ZNF808: variants seen among roughly 807,000 people sequenced by gnomAD.
ZNF808 encodes zinc finger protein 808.
A neutral mutation model predicts 8.7 loss-of-function variants in ZNF808; 5 were observed. That is an observed-to-expected ratio of 0.58 (90% CI 0.30 to 1.21). The LOEUF (loss-of-function observed/expected upper bound fraction) is 1.21. Ranked by LOEUF, ZNF808 falls within the 50% of genes most tolerant of loss-of-function variation. The pLI, the probability that ZNF808 is intolerant of heterozygous loss-of-function variation, is 0.07. For synonymous variants in ZNF808, 380 were observed against 366.0 expected (o/e 1.04, Z -0.44); for missense variants, 1,103 against 1,098.4 (o/e 1.00, Z -0.06).
intron 4 of ZNF808, among the ~76,000 whole-genome samples, chr19:52,548,990 T>A (rs1172917539): frequency 6.6e-6 from 1 of 152,000 alleles, no homozygotes; most frequent in Admixed American, 6.6e-5. Flanking sequence ...CTGTTTTTTT[T>A]AAGATGGAAT....
In ZNF808 at chr19:52,547,615, A is replaced by G; in HGVS notation, c.167A>G (p.Asn56Ser). The G allele has an allele frequency of 6.2e-7, 1 of 1,614,074 alleles. No individual in the cohort carries two copies. The highest frequency in any genetic ancestry group is 8.5e-7 in the Non-Finnish European group (1 of 1,180,002). ...RALYREVMLENYRNLEAVDIS... is the reference protein window; with the variant it reads ...RALYREVMLESYRNLEAVDIS... ...TTGTACAGGGAAGTGATGTTGGAGA[A>G]CTACAGGAACCTGGAGGCTGTGGGT... Residue 56 changes from asparagine (N) to serine (S), a missense_variant, in exon 4 of 5, where the codon AAC becomes AGC. Physicochemically the swap from Asn to Ser is conservative, Grantham distance 46 (BLOSUM62 1). Transcript: ENST00000359798.
At chr19:52,567,361 G>A (rs2146971653), downstream of ZNF808, among the ~76,000 whole-genome samples, 1 of 151,448 alleles carries the variant, frequency 6.6e-6, no homozygotes, top group East Asian at 1.9e-4. Context: ...GAAACTTTAA[G>A]AGAAGGCAGT....
intron 2 of ZNF808, among the ~76,000 whole-genome samples, chr19:52,540,040 G>C (rs1250143669): frequency 6.6e-6 from 1 of 151,696 alleles, no homozygotes; most frequent in Admixed American, 6.6e-5. Flanking sequence ...TATTTATTGA[G>C]ACTCTCTGTC....
intron 3 of ZNF808, among the ~76,000 whole-genome samples, chr19:52,544,632 T>A (rs2059703883): frequency 6.6e-6 from 1 of 152,148 alleles, no homozygotes; most frequent in Admixed American, 6.6e-5. Context: ...TCAGGCCTTA[T>A]TTTTTATATT....
chr19:52,566,275 C>T (rs2123234964), downstream of ZNF808, among the ~76,000 whole-genome samples: 1 of 152,146 alleles, frequency 6.6e-6, no homozygotes, highest in African/African-American at 2.4e-5. Context: ...TACGGATTCT[C>T]CTGTCTCAGC....
chr19:52,539,004 G>C (rs1264980960), intron 2 of ZNF808, among the ~76,000 whole-genome samples: 1 of 152,014 alleles, frequency 6.6e-6, no homozygotes, highest in Non-Finnish European at 1.5e-5. Flanking sequence ...ACAGTGACTT[G>C]ACTCATTCGT....
downstream of ZNF808, among the ~76,000 whole-genome samples, chr19:52,565,135 G>A (rs746443543): frequency 7.2e-5 from 11 of 152,010 alleles, no homozygotes; most frequent in Non-Finnish European, 1.6e-4. Context: ...AATTAGGCGG[G>A]CATGGTGGCA....
In ZNF808 at chr19:52,555,259, T is replaced by C. The variant is rs771396089; in HGVS notation, c.2343T>C (p.His781=). ...GTCACTGGTCATCCCTTGTATACCA[T>C]CGTAGACTTCATACTGGAGAGAAAT... ...TFRHWSSLVY[H]RRLHTGEKSY... is the part of the protein sequence containing the mutation. Residue 781 remains histidine (H), a synonymous_variant, in exon 5 of 5, where the codon CAT becomes CAC. Coordinates refer to ENST00000359798, the MANE Select transcript of ZNF808 (RefSeq NM_001039886.4). The C allele has an allele frequency of 4.3e-6, 7 of 1,614,126 alleles. No individual in the cohort carries two copies. In the East Asian group the frequency reaches 1.3e-4, roughly 31 times the overall value.
downstream of ZNF808, among the ~76,000 whole-genome samples, chr19:52,566,649 G>A (rs1186283779): frequency 6.6e-6 from 1 of 152,220 alleles, no homozygotes; most frequent in Admixed American, 6.5e-5. Flanking sequence ...CAAAAGGATG[G>A]TGTCTCCATA....
At chr19:52,561,367 TATTTTCTGTGACTGGTC>T (rs2059857740) in intron 3 of ZNF808, among the ~76,000 whole-genome samples, 2 of 152,098 alleles carry the variant, frequency 1.3e-5, no homozygotes, top group African/African-American at 4.8e-5. Context: ...TCTGTTCTTG[TATTTTCTGTGACTGGTC>T]ATTTTCTGTA....
downstream of ZNF808, among the ~76,000 whole-genome samples, chr19:52,566,586 GTATTGC>G (rs1483199488): frequency 6.6e-6 from 1 of 152,152 alleles, no homozygotes; most frequent in African/African-American, 2.4e-5. Context: ...ATTTCACTTA[GTATTGC>G]TATTACTATG....
chr19:52,561,662 C>T (rs929771465), intron 3 of ZNF808, among the ~76,000 whole-genome samples: 2 of 152,026 alleles, frequency 1.3e-5, no homozygotes, highest in Non-Finnish European at 2.9e-5. Flanking sequence ...ATTCTCCTGC[C>T]TGAGGCTCCC....
chr19:52,561,973 A>G (rs2059859804), intron 3 of ZNF808, among the ~76,000 whole-genome samples: 1 of 152,176 alleles, frequency 6.6e-6, no homozygotes, highest in Admixed American at 6.6e-5. Flanking sequence ...TGATGATGGC[A>G]TGCTCCTTTT....
intron 2 of ZNF808, among the ~76,000 whole-genome samples, chr19:52,541,141 G>A (rs1037113133): frequency 6.6e-6 from 1 of 151,826 alleles, no homozygotes; most frequent in African/African-American, 2.4e-5. Flanking sequence ...TAGTAGAGAC[G>A]GGATGTCACC....
Position 52,553,690 on chromosome 19 carries a change from A to G in ZNF808, c.774A>G (p.Gln258=), listed in dbSNP as rs756783020. Residue 258 remains glutamine, a synonymous_variant, in exon 5 of 5, where the codon CAA becomes CAG. Coordinates refer to ENST00000359798, the MANE Select transcript of ZNF808 (RefSeq NM_001039886.4). Reference sequence around the variant, plus strand: ...AGATACCCCATTTAGGAGACAAACAATATAAATGTGATGTATGTGGCAAGC... The same window carrying G: ...AGATACCCCATTTAGGAGACAAACAGTATAAATGTGATGTATGTGGCAAGC... ...KHQIPHLGDK[Q]YKCDVCGKLF... 7 of 1,613,994 alleles carry G rather than the reference A, an allele frequency of 4.3e-6. No individual in the cohort carries two copies. In the Admixed American group the frequency reaches 5.0e-5, roughly 12 times the overall value.
chr19:52,567,183 C>T (rs982481734), downstream of ZNF808, among the ~76,000 whole-genome samples: 4 of 152,106 alleles, frequency 2.6e-5, no homozygotes, highest in African/African-American at 9.7e-5. Context: ...AACCCCTGAT[C>T]TCAGGTGATG....
intron 1 of ZNF808, among the ~76,000 whole-genome samples, chr19:52,530,635 G>A (rs1225723494): frequency 1.3e-5 from 2 of 149,566 alleles, no homozygotes; most frequent in African/African-American, 4.9e-5. Context: ...TGCATGCCAG[G>A]CTGGGCAACG....
intron 2 of ZNF808, among the ~76,000 whole-genome samples, chr19:52,536,640 T>C (rs2925976): frequency 0.33 from 49,733 of 151,808 alleles, 8,825 homozygotes; most frequent in East Asian, 0.52. Flanking sequence ...AGCTCCACCC[T>C]CCGGAAAATG....
intron 2 of ZNF808, among the ~76,000 whole-genome samples, chr19:52,535,272 A>G (rs538308643): frequency 7.2e-6 from 1 of 139,134 alleles, no homozygotes; most frequent in South Asian, 2.4e-4. Context: ...CGGAGCTTGC[A>G]GTGAGCCAAA....
Sources: gnomAD v4.1 joint callset for allele counts (sites outside exome capture counted in the v4.1 genomes callset) on GRCh38, gnomAD v4.1.1 for gene constraint, MANE v1.5 for transcripts, NCBI Gene and HGNC (gene_info 2026-07-23, HGNC 2026-07-21) for gene names.